EXOC6B: variants seen among roughly 807,000 people sequenced by gnomAD.
EXOC6B encodes the protein SEC15 homolog B.
Under a neutral mutation model 113.5 loss-of-function variants are expected in EXOC6B, and 54 were observed. The observed-to-expected ratio is 0.48, with a 90% CI of 0.38 to 0.60. The LOEUF (loss-of-function observed/expected upper bound fraction) is 0.60, where lower values mean the gene tolerates loss of function less well. EXOC6B is among the 20% of genes least tolerant of loss of function. The pLI, the probability that EXOC6B is intolerant of heterozygous loss-of-function variation, is 0.00. For missense variants in EXOC6B, 797 were observed against 977.5 expected (o/e 0.82, Z 2.46); for synonymous variants, 357 against 339.0 (o/e 1.05, Z -0.58).
intron 18 of EXOC6B, among the ~76,000 whole-genome samples, chr2:72,426,397 C>A (rs1695197327): frequency 6.6e-6 from 1 of 152,000 alleles, no homozygotes; most frequent in African/African-American, 2.4e-5. Context: ...CCAAATGGTT[C>A]TTTTTTCAAA....
chr2:72,502,843 C>T (rs1057093103), intron 11 of EXOC6B, among the ~76,000 whole-genome samples: 15 of 152,128 alleles, frequency 9.9e-5, no homozygotes, highest in African/African-American at 3.6e-4. Context: ...TCTACACCAA[C>T]TATTCTTGTT....
chr2:72,688,387 A>C (rs188981362), intron 6 of EXOC6B, among the ~76,000 whole-genome samples: 31 of 152,210 alleles, frequency 2.0e-4, no homozygotes, highest in African/African-American at 7.0e-4. Context: ...AGTTAGGTCA[A>C]CTAAAACTTA....
intron 1 of EXOC6B, among the ~76,000 whole-genome samples, chr2:72,760,070 G>A (rs1427625248): frequency 6.6e-6 from 1 of 152,188 alleles, no homozygotes; most frequent in Admixed American, 6.5e-5. Flanking sequence ...CTCCAGAGCT[G>A]TTTAATATTA....
chr2:72,723,766 T>C (rs1480131855), intron 5 of EXOC6B, among the ~76,000 whole-genome samples: 2 of 149,838 alleles, frequency 1.3e-5, no homozygotes, highest in East Asian at 2.0e-4. Context: ...AAAAGACTTC[T>C]AGCTACGAAA....
At chr2:72,449,252 G>A (rs1182882771) in intron 18 of EXOC6B, among the ~76,000 whole-genome samples, 2 of 151,566 alleles carry the variant, frequency 1.3e-5, no homozygotes, top group African/African-American at 2.4e-5. Context: ...GTGCGATCTC[G>A]GCTCGCTGCA....
intron 1 of EXOC6B, among the ~76,000 whole-genome samples, chr2:72,821,435 G>C: frequency 6.6e-6 from 1 of 152,014 alleles, no homozygotes; most frequent in African/African-American, 2.4e-5. Flanking sequence ...GTTAAACATA[G>C]AGTTACCTTA....
intron 18 of EXOC6B, among the ~76,000 whole-genome samples, chr2:72,384,996 A>G (rs1483083528): frequency 6.6e-5 from 10 of 152,128 alleles, no homozygotes; most frequent in African/African-American, 2.4e-4. Flanking sequence ...TTTTTCAAAT[A>G]ATAGAATAAA....
intron 8 of EXOC6B, among the ~76,000 whole-genome samples, chr2:72,525,671 T>C (rs1236929851): frequency 1.3e-5 from 2 of 152,088 alleles, no homozygotes; most frequent in African/African-American, 4.8e-5. Context: ...TTTAATCAAT[T>C]TGTAGACAAG....
At chr2:72,398,727 T>TACACACACAC (rs60055732) in intron 18 of EXOC6B, among the ~76,000 whole-genome samples, 243 of 139,010 alleles carry the variant, frequency 1.7e-3, no homozygotes, top group African/African-American at 6.2e-3. Flanking sequence ...TCTCTCTGTC[T>TACACACACAC]ACACACACAC....
intron 1 of EXOC6B, among the ~76,000 whole-genome samples, chr2:72,813,353 G>C (rs925198677): frequency 2.0e-5 from 3 of 152,178 alleles, no homozygotes; most frequent in African/African-American, 7.2e-5. Context: ...CTCCCAAAGT[G>C]CTGGGATTAC....
chr2:72,700,273 A>ACACACACACACACACACACACAC, intron 6 of EXOC6B, among the ~76,000 whole-genome samples: 1 of 36,958 alleles, frequency 2.7e-5, no homozygotes, highest in Non-Finnish European at 5.3e-5. Context: ...CACACACACA[A>ACACACACACACACACACACACAC]AGTTATCCGT....
At chr2:72,439,329 T>G (rs1363799500) in intron 18 of EXOC6B, among the ~76,000 whole-genome samples, 2 of 152,180 alleles carry the variant, frequency 1.3e-5, no homozygotes, top group Non-Finnish European at 2.9e-5. Flanking sequence ...GAAATACGTT[T>G]TCCATATTGG....
chr2:72,711,819 A>G (rs1266375578), intron 6 of EXOC6B, among the ~76,000 whole-genome samples: 1 of 152,186 alleles, frequency 6.6e-6, no homozygotes, highest in Non-Finnish European at 1.5e-5. Context: ...TATATACAGC[A>G]TGGATACGCT....
At chr2:72,626,342 G>T (rs1433003946) in intron 6 of EXOC6B, among the ~76,000 whole-genome samples, 1 of 151,974 alleles carries the variant, frequency 6.6e-6, no homozygotes, top group Non-Finnish European at 1.5e-5. Flanking sequence ...ATAATAAATA[G>T]CTGGCATAAT....
At chr2:72,598,088 C>T (rs778374901) in intron 6 of EXOC6B, among the ~76,000 whole-genome samples, 2 of 151,914 alleles carry the variant, frequency 1.3e-5, no homozygotes, top group African/African-American at 2.4e-5. Context: ...ATCTACTTGA[C>T]ATTTGTAGAA....
At chr2:72,497,908 T>C (rs1339022065) in intron 13 of EXOC6B, among the ~76,000 whole-genome samples, 2 of 152,210 alleles carry the variant, frequency 1.3e-5, no homozygotes, top group Non-Finnish European at 2.9e-5. Context: ...ATAACTTTCT[T>C]ATTATTGTAT....
chr2:72,274,422 T>C (rs1341908328), intron 20 of EXOC6B, among the ~76,000 whole-genome samples: 1 of 152,204 alleles, frequency 6.6e-6, no homozygotes. Context: ...TATTTTGCAA[T>C]GTCGAACCTT....
At chr2:72,486,366 CT>C (rs1699421574) in intron 16 of EXOC6B, among the ~76,000 whole-genome samples, 1 of 148,810 alleles carries the variant, frequency 6.7e-6, no homozygotes, top group Admixed American at 6.7e-5. Flanking sequence ...GAGACTCCAT[CT>C]CAAAAAAAAA....
intron 17 of EXOC6B, among the ~76,000 whole-genome samples, chr2:72,478,759 G>A (rs1698899018): frequency 6.6e-6 from 1 of 152,164 alleles, no homozygotes; most frequent in South Asian, 2.1e-4. Context: ...AATTGAGACT[G>A]GTTGAGAGAA....
Sources: allele counts gnomAD v4.1 joint callset (sites outside exome capture counted in the v4.1 genomes callset), GRCh38; gene constraint gnomAD v4.1.1; transcripts MANE v1.5; gene names NCBI Gene and HGNC (gene_info 2026-07-23, HGNC 2026-07-21).